Variants in ZDHHC15 observed in about 807,000 individuals in gnomAD.
ZDHHC15 encodes the protein palmitoyltransferase ZDHHC15.
Under a neutral mutation model 31.7 loss-of-function variants are expected in ZDHHC15, and 19 were observed. The ratio of observed to expected loss-of-function variants is 0.60; its 90% CI spans 0.42 to 0.88. The LOEUF is 0.88. Among genes scored for constraint, ZDHHC15 ranks in the 40% least tolerant of loss-of-function variants. The probability of loss-of-function intolerance (pLI) is 0.00; values close to 1 mark genes in which losing one functional copy is unlikely to be tolerated. For missense variants in ZDHHC15, 209 were observed against 251.2 expected (o/e 0.83, Z 1.14); for synonymous variants, 103 against 90.0 (o/e 1.14, Z -0.82).
rs765657381 is a variant in ZDHHC15, at chrX:75,489,911, G to T, written c.164-10926C>A. On this transcript the variant is annotated intron_variant, in intron 2 of 11. Transcript: ENST00000373367. ...AGTCCTTAAAGGACCTGATGGAGCT[G>T]AAAAACAAGGCACAAGAACTATGTG... Among the ~76,000 whole-genome samples, 3 of 112,176 alleles carry T rather than the reference G, an allele frequency of 2.7e-5. 1 individual carries two copies. The highest frequency in any genetic ancestry group is 5.6e-5 in the Non-Finnish European group (3 of 53,266).
chrX:75,492,276 T>C (rs934522891), intron 2 of ZDHHC15, among the ~76,000 whole-genome samples: 1 of 111,621 alleles, frequency 9.0e-6, no homozygotes, highest in Admixed American at 9.5e-5. Context: ...CCCAGATTCA[T>C]GAAGCAAGTC....
intron 10 of ZDHHC15, among the ~76,000 whole-genome samples, chrX:75,380,603 T>A (rs1211486191): frequency 1.8e-5 from 2 of 111,165 alleles, no homozygotes; most frequent in African/African-American, 3.3e-5. Context: ...CAGGATAAGA[T>A]TAAGCTAAGG....
At chrX:75,438,075 T>C (rs1029673236) in intron 4 of ZDHHC15, among the ~76,000 whole-genome samples, 1 of 111,835 alleles carries the variant, frequency 8.9e-6, no homozygotes, top group African/African-American at 3.3e-5. Context: ...ACAACCACAA[T>C]GAGATACCAT....
intron 3 of ZDHHC15, among the ~76,000 whole-genome samples, chrX:75,457,416 C>T (rs933392961): frequency 8.1e-5 from 9 of 110,863 alleles, no homozygotes; most frequent in Non-Finnish European, 1.1e-4. Flanking sequence ...ATATTTTCTA[C>T]CAGTCTGTGG....
chrX:75,459,008 AAAAC>A lies in ZDHHC15; in HGVS notation c.259-8090_259-8087del, dbSNP rs1175280116. ...CACAGAGACAAAAAAAAAAAAAAAA[AAAAC>A]AACCCCCAGCCAAGGGAATTGGTGA... is the stretch of plus-strand genomic sequence containing the variant. On this transcript the variant is annotated intron_variant, in intron 3 of 11. Transcript: ENST00000373367. Among the ~76,000 whole-genome samples, 4 of 96,930 alleles carry A rather than the reference AAAAC, an allele frequency of 4.1e-5. 1 individual carries two copies. The highest frequency in any genetic ancestry group is 1.2e-4 in the Admixed American group (1 of 8,494). 84.2% of individuals were successfully genotyped at this position (96,930 alleles called of 115,157 possible).
At chrX:75,374,814 CA>C (rs1211228023) in intron 11 of ZDHHC15, among the ~76,000 whole-genome samples, 1 of 109,587 alleles carries the variant, frequency 9.1e-6, no homozygotes, top group Non-Finnish European at 1.9e-5. Context: ...CCAGACAAAA[CA>C]AAAAAATACA....
intron 10 of ZDHHC15, among the ~76,000 whole-genome samples, chrX:75,397,105 T>A (rs1306694290): frequency 9.1e-6 from 1 of 110,203 alleles, no homozygotes; most frequent in African/African-American, 3.3e-5. Context: ...GACGGGTGGA[T>A]CACCTGAGGT....
Position 75,451,099 on chromosome X carries a change from T to C in ZDHHC15, c.259-177A>G, listed in dbSNP as rs113384494. On this transcript the variant is annotated intron_variant, in intron 3 of 11. Transcript: ENST00000373367. Reference sequence around the variant, plus strand: ...TTCAATAATCTGGCTTTTATCTCAATTATCAAAAGCATGAGATATGTGTAT... The same window carrying C: ...TTCAATAATCTGGCTTTTATCTCAACTATCAAAAGCATGAGATATGTGTAT... Among the ~76,000 whole-genome samples the C allele has an allele frequency of 5.7e-3, 639 of 112,030 alleles. 4 individuals carry two copies. The highest frequency in any genetic ancestry group is 0.02 in the African/African-American group (614 of 30,918).
intron 4 of ZDHHC15, among the ~76,000 whole-genome samples, chrX:75,442,439 T>G (rs951663572): frequency 8.9e-6 from 1 of 112,014 alleles, no homozygotes; most frequent in Non-Finnish European, 1.9e-5. Flanking sequence ...TAAGCTGATA[T>G]GCAACCTCAG....
chrX:75,461,806 T>C (rs779204318), intron 3 of ZDHHC15, among the ~76,000 whole-genome samples: 4 of 111,504 alleles, frequency 3.6e-5, no homozygotes, highest in Non-Finnish European at 7.5e-5. Context: ...GGGAAGACTG[T>C]TACAAGTCAC....
At chrX:75,486,414 CTG>C (rs1372199415) in intron 2 of ZDHHC15, among the ~76,000 whole-genome samples, 2 of 112,233 alleles carry the variant, frequency 1.8e-5, no homozygotes, top group African/African-American at 6.5e-5. Context: ...TAGCTGAACT[CTG>C]TAATAATTTC....
intron 10 of ZDHHC15, among the ~76,000 whole-genome samples, chrX:75,410,623 C>A (rs2083474479): frequency 8.9e-6 from 1 of 111,853 alleles, no homozygotes; most frequent in Admixed American, 9.5e-5. Flanking sequence ...GGAATGCTTG[C>A]ACACTGTTGG....
intron 4 of ZDHHC15, among the ~76,000 whole-genome samples, chrX:75,441,433 C>A (rs1263869226): frequency 9.0e-6 from 1 of 111,070 alleles, no homozygotes; most frequent in East Asian, 2.8e-4. Context: ...AAGGTGAAAT[C>A]CTTTTCCCAC....
chrX:75,462,398 C>A (rs1344535088), intron 3 of ZDHHC15, among the ~76,000 whole-genome samples: 2 of 111,852 alleles, frequency 1.8e-5, no homozygotes, highest in African/African-American at 6.5e-5. Context: ...TATGCAGAAC[C>A]CGAACACATC....
intron 2 of ZDHHC15, among the ~76,000 whole-genome samples, chrX:75,492,746 A>G (rs2084919872): frequency 8.9e-6 from 1 of 112,079 alleles, no homozygotes; most frequent in Admixed American, 9.5e-5. Flanking sequence ...GAACAAAGAC[A>G]CAACATACCA....
intron 5 of ZDHHC15, among the ~76,000 whole-genome samples, chrX:75,430,331 A>G (rs1468882542): frequency 8.9e-6 from 1 of 111,852 alleles, no homozygotes; most frequent in Admixed American, 9.6e-5. Flanking sequence ...ATATGGCTAT[A>G]GCCTCTATCT....
intron 10 of ZDHHC15, among the ~76,000 whole-genome samples, chrX:75,380,277 T>C (rs185821565): frequency 2.4e-4 from 27 of 112,222 alleles, no homozygotes; most frequent in African/African-American, 7.4e-4. Context: ...TGAAAAATAG[T>C]GAAAGACAGT....
chrX:75,489,737 C>T lies in ZDHHC15; in HGVS notation c.164-10752G>A, dbSNP rs149786375. Among the ~76,000 whole-genome samples, 351 of 112,432 alleles carry T rather than the reference C, an allele frequency of 3.1e-3. 1 individual carries two copies. Among genetic ancestry groups the T allele is most frequent in the African/African-American group, 0.011 (332 of 31,008 alleles). On this transcript the variant is annotated intron_variant, in intron 2 of 11. Transcript: ENST00000373367. ...TCACCAGCAATGGAACAAAGCTGAACGGAGAATGACTTTGACGAGTTGAGA... is the reference window on the plus strand; with the variant it reads ...TCACCAGCAATGGAACAAAGCTGAATGGAGAATGACTTTGACGAGTTGAGA...
intron 2 of ZDHHC15, among the ~76,000 whole-genome samples, chrX:75,494,592 C>T (rs1231168370): frequency 9.0e-6 from 1 of 111,657 alleles, no homozygotes; most frequent in Non-Finnish European, 1.9e-5. Flanking sequence ...GATATATAGA[C>T]CAATGGAACA....
Sources: gnomAD v4.1 joint callset for allele counts (sites outside exome capture counted in the v4.1 genomes callset) on GRCh38, gnomAD v4.1.1 for gene constraint, MANE v1.5 for transcripts, NCBI Gene and HGNC (gene_info 2026-07-23, HGNC 2026-07-21) for gene names.